The following USP34 variants were observed in gnomAD, a reference collection of about 807,000 sequenced individuals.
USP34 encodes ubiquitin carboxyl-terminal hydrolase 34.
A neutral mutation model predicts 460.3 loss-of-function variants in USP34; 70 were observed. The ratio of observed to expected loss-of-function variants is 0.15; its 90% CI spans 0.13 to 0.19. The LOEUF is 0.19. Ranked by LOEUF, USP34 falls within the 10% of genes least tolerant of loss-of-function variation. USP34 has a pLI of 1.00. For missense variants in USP34, 3,985 were observed against 4,236.2 expected (o/e 0.94, Z 1.65); for synonymous variants, 1,647 against 1,405.3 (o/e 1.17, Z -3.85).
chr2:61,422,857 A>G (rs1694402252), intron 1 of USP34, among the ~76,000 whole-genome samples: 1 of 152,088 alleles, frequency 6.6e-6, no homozygotes, highest in Non-Finnish European at 1.5e-5. Context: ...ACAATTAGCC[A>G]GGCATGGTGG....
At chr2:61,248,300 C>A (rs772140964) in intron 49 of USP34, among the ~76,000 whole-genome samples, 1 of 151,956 alleles carries the variant, frequency 6.6e-6, no homozygotes, top group Non-Finnish European at 1.5e-5. Flanking sequence ...ACTGTGTCTC[C>A]AGTATACAGA....
intron 2 of USP34, among the ~76,000 whole-genome samples, chr2:61,418,124 G>A (rs566274083): frequency 4.1e-4 from 62 of 150,444 alleles, no homozygotes; most frequent in African/African-American, 1.5e-3. Context: ...TCTATTCCAG[G>A]CTGGAATGCA....
At chr2:61,307,942 C>G (rs932583730) in intron 27 of USP34, among the ~76,000 whole-genome samples, 14 of 152,064 alleles carry the variant, frequency 9.2e-5, no homozygotes, top group Middle Eastern at 3.4e-3. Flanking sequence ...CCAGCTACTC[C>G]GGAGACTCAG....
At chr2:61,399,718 A>G (rs1190850890) in intron 3 of USP34, among the ~76,000 whole-genome samples, 3 of 151,638 alleles carry the variant, frequency 2.0e-5, no homozygotes, top group East Asian at 3.9e-4. Context: ...TAAAAACACA[A>G]AAAAATTAGC....
chr2:61,271,202 G>A (rs1689203307), intron 41 of USP34, among the ~76,000 whole-genome samples: 2 of 152,276 alleles, frequency 1.3e-5, no homozygotes, highest in East Asian at 3.9e-4. Flanking sequence ...TCTTTGGGAG[G>A]CTGAGGCAGG....
At chr2:61,339,916 C>T (rs1691538045) in intron 16 of USP34, among the ~76,000 whole-genome samples, 1 of 152,024 alleles carries the variant, frequency 6.6e-6, no homozygotes. Flanking sequence ...CAGTAATCTC[C>T]TTCCTCAGCC....
intron 3 of USP34, among the ~76,000 whole-genome samples, chr2:61,399,874 CAA>C (rs529141667): frequency 8.9e-4 from 62 of 69,980 alleles, no homozygotes; most frequent in Admixed American, 3.6e-3. Context: ...CACTGTCTCC[CAA>C]AAAAAAAAAA....
intron 53 of USP34, among the ~76,000 whole-genome samples, chr2:61,239,430 T>C (rs1478186021): frequency 6.6e-6 from 1 of 151,956 alleles, no homozygotes; most frequent in Non-Finnish European, 1.5e-5. Flanking sequence ...TCATTTTACT[T>C]CACAAGTGGG....
Position 61,348,291 on chromosome 2 carries a change from C to G in USP34, c.1864G>C (p.Glu622Gln). 1.2e-6 allele frequency: 2 copies of G among 1,614,220 alleles called. No individual in the cohort carries two copies. The highest frequency in any genetic ancestry group is 1.7e-6 in the Non-Finnish European group (2 of 1,180,032). The change falls in exon 15 of 80, where the codon GAG becomes CAG. Residue 622 changes from glutamate to glutamine, a missense_variant. Glu to Gln is a conservative substitution (Grantham distance 29, BLOSUM62 2). Coordinates refer to ENST00000398571, the MANE Select transcript of USP34 (RefSeq NM_014709.4). ...EDIADIEALK[E>Q]EDEDDDHGHN... ...CCATGATCATCGTCTTCATCTTCCT[C>G]TTTGAGGGCTTCAATATCTGCAATG...
Position 61,212,763 on chromosome 2 carries a change from C to A in USP34, c.8683-834G>T, listed in dbSNP as rs148012323. On this transcript the variant is annotated intron_variant, in intron 68 of 79. Transcript: ENST00000398571. Reference sequence around the variant, plus strand: ...CTACAATAAAAGACATTACATTTCACTGATGTCAAGGGCAATAAATAACAT... The same window carrying A: ...CTACAATAAAAGACATTACATTTCAATGATGTCAAGGGCAATAAATAACAT... Among the ~76,000 whole-genome samples the A allele has an allele frequency of 2.0e-3, 303 of 152,196 alleles. 1 individual carries two copies. Among genetic ancestry groups the A allele is most frequent in the African/African-American group, 6.5e-3 (269 of 41,530 alleles).
intron 44 of USP34, among the ~76,000 whole-genome samples, chr2:61,257,916 T>C (rs1688764499): frequency 6.6e-6 from 1 of 152,156 alleles, no homozygotes; most frequent in Non-Finnish European, 1.5e-5. Context: ...CTCACATCTA[T>C]ATTGCAAAGC....
intron 33 of USP34, among the ~76,000 whole-genome samples, chr2:61,291,138 C>A (rs1307909000): frequency 1.3e-5 from 2 of 152,048 alleles, no homozygotes; most frequent in African/African-American, 2.4e-5. Context: ...TAAAAGTGGG[C>A]AATGGATGTG....
At chr2:61,459,606 C>T (rs1352614334) in intron 1 of USP34, among the ~76,000 whole-genome samples, 1 of 152,014 alleles carries the variant, frequency 6.6e-6, no homozygotes, top group African/African-American at 2.4e-5. Context: ...GAAACCCCGT[C>T]TCTACTAAAA....
At chr2:61,458,561 GAAA>G in intron 1 of USP34, among the ~76,000 whole-genome samples, 1 of 96,560 alleles carries the variant, frequency 1.0e-5, no homozygotes, top group Admixed American at 1.3e-4. Flanking sequence ...AACTGTCTCA[GAAA>G]AAAAAAAAAA....
rs544008564 is a variant in USP34 at position 61,365,549 on chromosome 2, A to G, written c.1251+4772T>C. 6.2e-4 allele frequency among the ~76,000 whole-genome samples: 94 copies of G among 152,092 alleles called. 1 individual carries two copies. The highest frequency in any genetic ancestry group is 2.2e-3 in the African/African-American group (92 of 41,514). ...CAACTCCAGAATATAACATCCACAA[A>G]TTTCTCTTCAGGAAAAAAAACCTAC... On this transcript the variant is annotated intron_variant, in intron 10 of 79. Coordinates refer to ENST00000398571, the MANE Select transcript of USP34 (RefSeq NM_014709.4).
intron 1 of USP34, among the ~76,000 whole-genome samples, chr2:61,443,692 A>G (rs1055110134): frequency 6.6e-6 from 1 of 152,212 alleles, no homozygotes; most frequent in Non-Finnish European, 1.5e-5. Context: ...ATGAATGGGT[A>G]GGGCACACAG....
chr2:61,225,144 T>C (rs1037191082), intron 62 of USP34, among the ~76,000 whole-genome samples: 1 of 152,186 alleles, frequency 6.6e-6, no homozygotes, highest in Non-Finnish European at 1.5e-5. Context: ...TGTTTGCAAA[T>C]ATACCATAAA....
intron 5 of USP34, among the ~76,000 whole-genome samples, chr2:61,387,856 AAT>A (rs772832646): frequency 6.8e-6 from 1 of 147,718 alleles, no homozygotes; most frequent in South Asian, 2.1e-4. Flanking sequence ...CACATGTAAA[AAT>A]ATATATTTTT....
intron 70 of USP34, chr2:61,207,106 T>C (rs1687141754): frequency 4.8e-6 from 2 of 418,018 alleles, no homozygotes; most frequent in Admixed American, 4.2e-5. Context: ...GTGTGTATAT[T>C]CTAGTCTGAA....
Sources: allele counts gnomAD v4.1 joint callset (sites outside exome capture counted in the v4.1 genomes callset), GRCh38; gene constraint gnomAD v4.1.1; transcripts MANE v1.5; gene names NCBI Gene and HGNC (gene_info 2026-07-23, HGNC 2026-07-21).